DCC: variants seen among roughly 807,000 people sequenced by gnomAD.
The protein encoded by DCC is netrin receptor DCC.
DCC carries 58 observed loss-of-function variants against 172.5 expected under a neutral mutation model. The ratio of observed to expected loss-of-function variants is 0.34; its 90% CI spans 0.27 to 0.42. The LOEUF (loss-of-function observed/expected upper bound fraction) is 0.42, where lower values mean the gene tolerates loss of function less well. DCC is among the 10% of genes least tolerant of loss of function. The pLI is 1.00. For synonymous variants in DCC, 709 were observed against 644.5 expected, an observed-to-expected ratio of 1.10 and a Z score of -1.52; for missense variants, 1,740 against 1,791.0, an observed-to-expected ratio of 0.97 and a Z score of 0.51.
chr18:53,322,089 T>C lies in DCC; in HGVS notation c.2096T>C (p.Met699Thr), dbSNP rs2057417881. Residue 699 changes from methionine (M) to threonine (T), a missense_variant, in exon 14 of 29, where the codon ATG (methionine) becomes ACG (threonine). This residue lies in a region of DCC where 1,732 missense variants were observed against 1,767.4 expected (regional missense o/e 0.98). Coordinates refer to ENST00000442544, the MANE Select transcript of DCC (RefSeq NM_005215.4). ...GSQYSFQVSA[M>T]TVNGTGPPSN... ...CAGTACAGTTTCCAGGTGTCAGCCA[T>C]GACAGTCAATGGTACTGGACCACCT... is the stretch of plus-strand genomic sequence containing the variant. 6.2e-7 allele frequency: 1 copy of C among 1,610,290 alleles called. No individual in the cohort carries two copies. Among genetic ancestry groups the C allele is most frequent in the African/African-American group, 1.3e-5 (1 of 74,858 alleles).
rs987623791 is a variant in DCC at position 52,479,872 on chromosome 18, G to T, written c.91+138994G>T. 2.0e-5 allele frequency among the ~76,000 whole-genome samples: 3 copies of T among 152,070 alleles called. No homozygotes were observed. The South Asian group carries it at 6.2e-4, about 32-fold the overall frequency. On this transcript the variant is annotated intron_variant, in intron 1 of 28. Transcript: ENST00000442544. ...CTCTGTTTTAACCATACTAAGAGAA[G>T]TATTTCACGGACGACTTCTGCTCTC...
At chr18:52,648,343 C>T (rs985330063) in intron 1 of DCC, among the ~76,000 whole-genome samples, 1 of 152,220 alleles carries the variant, frequency 6.6e-6, no homozygotes, top group Admixed American at 6.5e-5. Flanking sequence ...CAAGCACAGG[C>T]TTGGCTAGAG....
chr18:52,699,891 A>T (rs900340644), intron 1 of DCC, among the ~76,000 whole-genome samples: 1 of 152,174 alleles, frequency 6.6e-6, no homozygotes, highest in Non-Finnish European at 1.5e-5. Context: ...CCCATTTAAC[A>T]TGTACAATGG....
chr18:53,382,994 G>A (rs1907884492), intron 15 of DCC, among the ~76,000 whole-genome samples: 1 of 152,004 alleles, frequency 6.6e-6, no homozygotes, highest in South Asian at 2.1e-4. Context: ...ATAAAACCCA[G>A]ATACAGAAAA....
chr18:53,381,600 T>A (rs1907747003), intron 15 of DCC, among the ~76,000 whole-genome samples: 1 of 119,850 alleles, frequency 8.3e-6, no homozygotes, highest in Non-Finnish European at 1.6e-5. Flanking sequence ...ATATAAAGTT[T>A]CTAGTTTGTT....
chr18:53,448,054 T>TTTTTTG (rs1555673128), intron 22 of DCC, among the ~76,000 whole-genome samples: 76 of 149,774 alleles, frequency 5.1e-4, no homozygotes, highest in African/African-American at 1.8e-3. Context: ...TGAGTTTTTT[T>TTTTTTG]TTTTTTTTTT....
At chr18:52,728,735 T>C (rs1041414971) in intron 1 of DCC, among the ~76,000 whole-genome samples, 6 of 152,204 alleles carry the variant, frequency 3.9e-5, no homozygotes, top group Non-Finnish European at 5.9e-5. Context: ...ACATATCAGT[T>C]ATGAAAGAGC....
At chr18:52,874,217 A>G (rs2039367005) in intron 2 of DCC, among the ~76,000 whole-genome samples, 1 of 152,216 alleles carries the variant, frequency 6.6e-6, no homozygotes, top group African/African-American at 2.4e-5. Context: ...GTATGTTAAT[A>G]ATATTTTTAA....
chr18:52,746,796 T>A (rs201211896), intron 1 of DCC, among the ~76,000 whole-genome samples: 3,348 of 150,052 alleles, frequency 0.022, 59 homozygotes, highest in Non-Finnish European at 0.032. Flanking sequence ...AAAACATAGA[T>A]AATAAAAGTT....
At chr18:53,194,899 A>G (rs905203798) in intron 9 of DCC, among the ~76,000 whole-genome samples, 7 of 152,264 alleles carry the variant, frequency 4.6e-5, no homozygotes, top group Admixed American at 4.6e-4. Context: ...CAATACTGAC[A>G]GTTAAGAAGA....
At chr18:52,927,199 G>T (rs2040231400) in intron 5 of DCC, among the ~76,000 whole-genome samples, 1 of 86,120 alleles carries the variant, frequency 1.2e-5, no homozygotes, top group Non-Finnish European at 2.6e-5. Flanking sequence ...GTATATATAG[G>T]TGTATATGTA....
At chr18:53,324,162 G>A (rs1395155564) in intron 14 of DCC, among the ~76,000 whole-genome samples, 1 of 152,072 alleles carries the variant, frequency 6.6e-6, no homozygotes, top group Non-Finnish European at 1.5e-5. Flanking sequence ...CAACCCTAGA[G>A]GTAATATAGG....
chr18:52,552,999 T>G (rs947325069), intron 1 of DCC, among the ~76,000 whole-genome samples: 6 of 152,044 alleles, frequency 3.9e-5, no homozygotes, highest in African/African-American at 1.2e-4. Flanking sequence ...ACAGCATTAT[T>G]GGGTTTAAAG....
At chr18:53,427,812 A>G (rs1911078354) in intron 21 of DCC, among the ~76,000 whole-genome samples, 1 of 128,000 alleles carries the variant, frequency 7.8e-6, no homozygotes, top group Non-Finnish European at 1.6e-5. Flanking sequence ...ACAGAAATAT[A>G]TATAATATAT....
At chr18:52,799,043 C>A (rs559642845) in intron 2 of DCC, among the ~76,000 whole-genome samples, 1 of 152,334 alleles carries the variant, frequency 6.6e-6, no homozygotes, top group Admixed American at 6.5e-5. Context: ...GCCACCGTGG[C>A]CAGCCTTATG....
At chr18:52,849,214 G>A (rs1355966764) in intron 2 of DCC, among the ~76,000 whole-genome samples, 1 of 152,132 alleles carries the variant, frequency 6.6e-6, no homozygotes, top group Non-Finnish European at 1.5e-5. Context: ...GTACTGTCCA[G>A]CAGGAACCTT....
At chr18:53,404,913 A>G (rs1483668192) in intron 19 of DCC, among the ~76,000 whole-genome samples, 1 of 152,074 alleles carries the variant, frequency 6.6e-6, no homozygotes, top group Non-Finnish European at 1.5e-5. Flanking sequence ...TGGAAAAATA[A>G]AAGTATGGGA....
At chr18:52,372,992 A>G (rs1985189345) in intron 1 of DCC, among the ~76,000 whole-genome samples, 1 of 152,184 alleles carries the variant, frequency 6.6e-6, no homozygotes, top group African/African-American at 2.4e-5. Context: ...CTCTATTCCC[A>G]CGCTAGGTTT....
At chr18:52,971,525 A>ACACG (rs1555690022) in intron 5 of DCC, among the ~76,000 whole-genome samples, 21 of 151,860 alleles carry the variant, frequency 1.4e-4, no homozygotes, top group African/African-American at 3.1e-4. Flanking sequence ...ACACACACAC[A>ACACG]CACGCACGCA....
Sources: allele counts gnomAD v4.1 joint callset (sites outside exome capture counted in the v4.1 genomes callset), GRCh38; gene constraint gnomAD v4.1.1; regional missense constraint gnomAD v4.1.1; transcripts MANE v1.5; gene names NCBI Gene and HGNC (gene_info 2026-07-23, HGNC 2026-07-21).